Variants in WDR89 observed in about 807,000 individuals in gnomAD.
WDR89 encodes WD repeat-containing protein 89.
WDR89 carries 17 observed loss-of-function variants against 29.1 expected under a neutral mutation model. That is an observed-to-expected ratio of 0.58 (90% CI 0.40 to 0.88). The LOEUF (loss-of-function observed/expected upper bound fraction) is 0.88. Among genes scored for constraint, WDR89 ranks in the 40% least tolerant of loss-of-function variants. WDR89 has a pLI of 0.00. For synonymous variants in WDR89, 138 were observed against 157.8 expected (o/e 0.87, Z 0.94); for missense variants, 396 against 456.3 (o/e 0.87, Z 1.20).
intron 1 of WDR89, among the ~76,000 whole-genome samples, chr14:63,633,841 C>T (rs1190492089): frequency 1.3e-5 from 2 of 152,164 alleles, no homozygotes; most frequent in Non-Finnish European, 2.9e-5. Context: ...AAAAAGTTCA[C>T]ATGTGCTTTG....
At chr14:63,615,597 A>G (rs1882249797) in intron 2 of WDR89, among the ~76,000 whole-genome samples, 1 of 152,220 alleles carries the variant, frequency 6.6e-6, no homozygotes, top group Non-Finnish European at 1.5e-5. Context: ...ACAACATTAA[A>G]TCTGCTCTAA....
chr14:63,623,914 A>G (rs1303261286), intron 2 of WDR89, among the ~76,000 whole-genome samples: 5 of 152,018 alleles, frequency 3.3e-5, no homozygotes, highest in Non-Finnish European at 7.4e-5. Context: ...GAAAAAAGAT[A>G]TACCATGCAA....
intron 2 of WDR89, among the ~76,000 whole-genome samples, chr14:63,623,589 A>G (rs528880962): frequency 1.3e-5 from 2 of 151,304 alleles, no homozygotes; most frequent in East Asian, 2.0e-4. Flanking sequence ...CTGTCATCTC[A>G]GCTACTTGGG....
chr14:63,633,313 TA>T (rs1273318824), intron 1 of WDR89, among the ~76,000 whole-genome samples: 2 of 152,014 alleles, frequency 1.3e-5, no homozygotes, highest in African/African-American at 2.4e-5. Context: ...AATGTTCCCC[TA>T]AAAATGCTAC....
At chr14:63,628,195 A>T (rs1883190303) in intron 1 of WDR89, among the ~76,000 whole-genome samples, 1 of 152,198 alleles carries the variant, frequency 6.6e-6, no homozygotes, top group African/African-American at 2.4e-5. Flanking sequence ...AATCAGGTGA[A>T]CCATGATCAC....
chr14:63,613,783 AGCCACTGCACTCG>A (rs1205313763), intron 2 of WDR89, among the ~76,000 whole-genome samples: 1 of 148,214 alleles, frequency 6.7e-6, no homozygotes, highest in African/African-American at 2.5e-5. Context: ...TAGAGGTGTG[AGCCACTGCACTCG>A]GCCACTGCTG....
intron 2 of WDR89, among the ~76,000 whole-genome samples, chr14:63,613,236 C>T (rs1323189491): frequency 2.6e-5 from 4 of 152,164 alleles, no homozygotes; most frequent in African/African-American, 7.2e-5. Flanking sequence ...AGTCAATCAG[C>T]GGTGAACAGA....
chr14:63,633,357 T>A (rs900058874), intron 1 of WDR89, among the ~76,000 whole-genome samples: 2 of 152,126 alleles, frequency 1.3e-5, no homozygotes, highest in African/African-American at 4.8e-5. Flanking sequence ...CACTTTAACA[T>A]ATTAATGATT....
intron 2 of WDR89, among the ~76,000 whole-genome samples, chr14:63,603,825 G>C (rs1379973415): frequency 6.6e-6 from 1 of 152,178 alleles, no homozygotes; most frequent in Non-Finnish European, 1.5e-5. Flanking sequence ...CCATTTTCCA[G>C]TAACGCTGGG....
intron 2 of WDR89, among the ~76,000 whole-genome samples, chr14:63,605,279 T>C (rs1895270617): frequency 6.6e-6 from 1 of 151,286 alleles, no homozygotes. Context: ...TTGTGGTCCC[T>C]GCAAATTCAT....
intron 1 of WDR89, among the ~76,000 whole-genome samples, chr14:63,636,928 A>G (rs1300141848): frequency 1.3e-5 from 2 of 152,220 alleles, no homozygotes; most frequent in Non-Finnish European, 2.9e-5. Flanking sequence ...ACATAATTAA[A>G]CTAAAGAGCT....
intron 1 of WDR89, among the ~76,000 whole-genome samples, chr14:63,639,296 G>A (rs1883939998): frequency 6.7e-6 from 1 of 148,462 alleles, no homozygotes; most frequent in Non-Finnish European, 1.5e-5. Context: ...AAGGTGGGAG[G>A]ACTGCTTGAG....
chr14:63,614,446 G>C (rs994560601), intron 2 of WDR89, among the ~76,000 whole-genome samples: 1 of 151,508 alleles, frequency 6.6e-6, no homozygotes, highest in African/African-American at 2.4e-5. Context: ...CAAGCAGATG[G>C]GACCACAGGC....
intron 2 of WDR89, among the ~76,000 whole-genome samples, chr14:63,618,996 A>C (rs1480834266): frequency 2.6e-5 from 4 of 152,186 alleles, no homozygotes; most frequent in Non-Finnish European, 5.9e-5. Context: ...TCAAGTTAAC[A>C]ATGAAATGTG....
At chr14:63,641,266 TC>T (rs1884112514) in intron 1 of WDR89, 1 of 152,150 alleles carries the variant, frequency 6.6e-6, no homozygotes, top group African/African-American at 2.4e-5. Flanking sequence ...TAACACTGCT[TC>T]GCGTGAAAAT....
intron 2 of WDR89, among the ~76,000 whole-genome samples, chr14:63,621,243 T>C (rs1212127934): frequency 2.6e-5 from 4 of 152,152 alleles, no homozygotes; most frequent in South Asian, 2.1e-4. Context: ...ATAAATTTCA[T>C]AGTAGCATTA....
Position 63,599,470 on chromosome 14 carries a change from G to C in WDR89, c.473C>G (p.Thr158Ser). Residue 158 changes from threonine to serine, a missense_variant, in exon 3 of 3, where the codon ACT (threonine) becomes AGT (serine). By Grantham distance (58) the Thr-to-Ser change is moderately conservative. Coordinates refer to ENST00000620954, the MANE Select transcript of WDR89 (RefSeq NM_080666.4). The stretch of plus-strand genomic sequence containing the variant: ...TGAATATGCACCAAGTGAGTCTTTA[G>C]TTGTAGATAAATTCTGAGAATTCAT... ...ARMNSQNLST[T>S]KDSLGAYSET... 5.6e-6 allele frequency: 9 copies of C among 1,614,168 alleles called. No homozygotes were observed. Among genetic ancestry groups the C allele is most frequent in the Non-Finnish European group, 7.6e-6 (9 of 1,180,024 alleles).
At chr14:63,634,472 A>C (rs1231161018) in intron 1 of WDR89, among the ~76,000 whole-genome samples, 1 of 152,034 alleles carries the variant, frequency 6.6e-6, no homozygotes, top group Non-Finnish European at 1.5e-5. Flanking sequence ...CAGAGAGCCA[A>C]GATCGTGCCA....
At chr14:63,623,038 A>G (rs1442076497) in intron 2 of WDR89, among the ~76,000 whole-genome samples, 1 of 151,518 alleles carries the variant, frequency 6.6e-6, no homozygotes, top group Non-Finnish European at 1.5e-5. Flanking sequence ...ATCTCTACAA[A>G]AAATATAAAA....
Sources: allele counts gnomAD v4.1 joint callset (sites outside exome capture counted in the v4.1 genomes callset), GRCh38; gene constraint gnomAD v4.1.1; transcripts MANE v1.5; gene names NCBI Gene and HGNC (gene_info 2026-07-23, HGNC 2026-07-21).